THRB: variants seen among roughly 807,000 people sequenced by gnomAD.
The protein encoded by THRB is thyroid hormone receptor beta.
Under a neutral mutation model 47.8 loss-of-function variants are expected in THRB, and 12 were observed. The ratio of observed to expected loss-of-function variants is 0.25; its 90% CI spans 0.16 to 0.41. The LOEUF (loss-of-function observed/expected upper bound fraction) is 0.41, where lower values mean the gene tolerates loss of function less well. Among genes scored for constraint, THRB ranks in the 10% least tolerant of loss-of-function variants. The probability of loss-of-function intolerance (pLI) is 1.00; values close to 1 mark genes in which losing one functional copy is unlikely to be tolerated. For synonymous variants in THRB, 218 were observed against 212.2 expected (o/e 1.03, Z -0.24); for missense variants, 348 against 589.2 (o/e 0.59, Z 4.24).
intron 9 of THRB, among the ~76,000 whole-genome samples, chr3:24,129,200 C>T (rs1336217350): frequency 6.6e-6 from 1 of 152,132 alleles, no homozygotes; most frequent in Non-Finnish European, 1.5e-5. Context: ...TCCTTCCGCT[C>T]ATTTTTTAAA....
At chr3:24,161,617 A>AACACACACACATAC (rs1553623998) in intron 5 of THRB, among the ~76,000 whole-genome samples, 8 of 141,100 alleles carry the variant, frequency 5.7e-5, no homozygotes, top group Non-Finnish European at 1.1e-4. Flanking sequence ...AGAGCTACAG[A>AACACACACACATAC]ACACACACAC....
intron 1 of THRB, among the ~76,000 whole-genome samples, chr3:24,438,206 T>C (rs1049597513): frequency 4.6e-5 from 7 of 152,052 alleles, no homozygotes; most frequent in Non-Finnish European, 7.4e-5. Context: ...ATGAAGCACA[T>C]TGATCTAGGC....
chr3:24,138,788 C>T (rs970455956), intron 8 of THRB, among the ~76,000 whole-genome samples: 1 of 152,174 alleles, frequency 6.6e-6, no homozygotes, highest in African/African-American at 2.4e-5. Flanking sequence ...CTGAAGCTGC[C>T]CCAATTGAGT....
At chr3:24,274,015 T>C (rs1224173418) in intron 3 of THRB, among the ~76,000 whole-genome samples, 1 of 152,216 alleles carries the variant, frequency 6.6e-6, no homozygotes, top group Non-Finnish European at 1.5e-5. Flanking sequence ...CAGATAACTT[T>C]ATTTAGCAAA....
intron 4 of THRB, among the ~76,000 whole-genome samples, chr3:24,213,754 C>G (rs2046294071): frequency 6.6e-6 from 1 of 152,158 alleles, no homozygotes; most frequent in South Asian, 2.1e-4. Context: ...CATTTCTGAG[C>G]CAAACCTGTG....
At chr3:24,268,357 C>G (rs1444330862) in intron 3 of THRB, among the ~76,000 whole-genome samples, 1 of 152,088 alleles carries the variant, frequency 6.6e-6, no homozygotes, top group Non-Finnish European at 1.5e-5. Flanking sequence ...ATAACAAAAG[C>G]TGGAAGATAG....
At chr3:24,284,496 A>T (rs903248858) in intron 3 of THRB, among the ~76,000 whole-genome samples, 1 of 151,978 alleles carries the variant, frequency 6.6e-6, no homozygotes, top group African/African-American at 2.4e-5. Context: ...AAACCTAGGC[A>T]TTGCCATTCA....
At chr3:24,180,318 T>G (rs1474907454) in intron 5 of THRB, among the ~76,000 whole-genome samples, 1 of 152,188 alleles carries the variant, frequency 6.6e-6, no homozygotes, top group Non-Finnish European at 1.5e-5. Flanking sequence ...AGTCATAGAA[T>G]ATTGCAGTCT....
intron 1 of THRB, among the ~76,000 whole-genome samples, chr3:24,445,037 T>C (rs371700352): frequency 6.6e-6 from 1 of 152,060 alleles, no homozygotes; most frequent in Non-Finnish European, 1.5e-5. Flanking sequence ...ATGGGATATA[T>C]AAACTATAAT....
At chr3:24,167,421 C>T (rs60697221) in intron 5 of THRB, among the ~76,000 whole-genome samples, 31,327 of 151,944 alleles carry the variant, frequency 0.21, 3,732 homozygotes, top group African/African-American at 0.33. Context: ...TTCAGTGTTA[C>T]TAAGAACACA....
In THRB at chr3:24,121,628, T is replaced by C. The variant is rs563473835; in HGVS notation, c.*1256A>G. On this transcript the variant is annotated 3_prime_UTR_variant, in exon 11 of 11. Coordinates refer to ENST00000646209, the MANE Select transcript of THRB (RefSeq NM_001354712.2). ...GCACATGGTCTGCAGGTGTTTTCTA[T>C]TGAGTATCTGTCAGGGTATGCTATG... is the stretch of plus-strand genomic sequence containing the variant. 2.0e-5 allele frequency: 3 copies of C among 152,494 alleles called. No individual in the cohort carries two copies. The highest frequency in any genetic ancestry group is 1.9e-4 in the East Asian group (1 of 5,188). 9.4% of individuals were successfully genotyped at this position (152,494 alleles called of 1,614,324 possible).
At chr3:24,294,042 A>G (rs112239424) in intron 3 of THRB, among the ~76,000 whole-genome samples, 1,797 of 152,226 alleles carry the variant, frequency 0.012, 16 homozygotes, top group Non-Finnish European at 0.019. Flanking sequence ...AATTGAGCTG[A>G]CCCTGCGGCT....
chr3:24,255,585 G>C (rs1271627941), intron 3 of THRB, among the ~76,000 whole-genome samples: 1 of 152,162 alleles, frequency 6.6e-6, no homozygotes, highest in Non-Finnish European at 1.5e-5. Context: ...GTGCCAACTA[G>C]AATGAAGTCA....
Position 24,411,479 on chromosome 3 carries a change from G to A in THRB, c.-260-74108C>T, listed in dbSNP as rs62255410. 4.3e-3 allele frequency among the ~76,000 whole-genome samples: 652 copies of A among 151,630 alleles called. 3 individuals are homozygous for A. The highest frequency in any genetic ancestry group is 7.7e-3 in the Non-Finnish European group (524 of 67,782). ...ACATGGCAAAGCAGAATGCCCTGGG[G>A]TTAATTTTTGTGAGCCCAATGATAG... is the stretch of plus-strand genomic sequence containing the variant. On this transcript the variant is annotated intron_variant, in intron 1 of 10. Transcript: ENST00000646209.
intron 1 of THRB, among the ~76,000 whole-genome samples, chr3:24,474,754 G>A (rs1441743739): frequency 1.3e-5 from 2 of 152,072 alleles, no homozygotes; most frequent in African/African-American, 4.8e-5. Context: ...GCTATACGTA[G>A]GTAATAATGG....
chr3:24,213,674 T>G (rs182393232), intron 4 of THRB, among the ~76,000 whole-genome samples: 1 of 152,274 alleles, frequency 6.6e-6, no homozygotes, highest in African/African-American at 2.4e-5. Flanking sequence ...TGCACAAACA[T>G]TCTAAAGGGA....
At chr3:24,220,139 C>A (rs1373797057) in intron 4 of THRB, among the ~76,000 whole-genome samples, 2 of 152,098 alleles carry the variant, frequency 1.3e-5, no homozygotes, top group Non-Finnish European at 2.9e-5. Flanking sequence ...TCTTGGGCCC[C>A]CACCTGGAGA....
At chr3:24,372,248 A>G (rs2064973912) in intron 1 of THRB, among the ~76,000 whole-genome samples, 1 of 152,110 alleles carries the variant, frequency 6.6e-6, no homozygotes, top group Non-Finnish European at 1.5e-5. Context: ...TTTTCAGGTG[A>G]TAGTAATTCT....
chr3:24,167,115 G>C (rs541007938), intron 5 of THRB, among the ~76,000 whole-genome samples: 1 of 152,206 alleles, frequency 6.6e-6, no homozygotes, highest in Non-Finnish European at 1.5e-5. Flanking sequence ...TGTAGTAAAG[G>C]AGCCATAGAC....
Sources: allele counts gnomAD v4.1 joint callset (sites outside exome capture counted in the v4.1 genomes callset), GRCh38; gene constraint gnomAD v4.1.1; transcripts MANE v1.5; gene names NCBI Gene and HGNC (gene_info 2026-07-23, HGNC 2026-07-21).